Variants in PTPRG observed in about 807,000 individuals in gnomAD.
The protein encoded by PTPRG is receptor-type tyrosine-protein phosphatase gamma.
PTPRG carries 102 observed loss-of-function variants against 165.3 expected under a neutral mutation model. The ratio of observed to expected loss-of-function variants is 0.62; its 90% CI spans 0.53 to 0.73. The LOEUF (loss-of-function observed/expected upper bound fraction) is 0.73. PTPRG is among the 30% of genes least tolerant of loss of function. PTPRG has a pLI of 0.00. For missense variants in PTPRG, 1,866 were observed against 1,861.4 expected, an observed-to-expected ratio of 1.00 and a Z score of -0.05; for synonymous variants, 675 against 669.5, an observed-to-expected ratio of 1.01 and a Z score of -0.13.
chr3:61,590,221 CAA>C (rs11348723), intron 1 of PTPRG, among the ~76,000 whole-genome samples: 153 of 142,494 alleles, frequency 1.1e-3, no homozygotes, highest in African/African-American at 2.6e-3. Flanking sequence ...TTTCTTTAAT[CAA>C]AAAAAAAAAA....
intron 4 of PTPRG, among the ~76,000 whole-genome samples, chr3:62,030,276 C>T (rs1559756208): frequency 6.6e-6 from 1 of 151,920 alleles, no homozygotes; most frequent in Non-Finnish European, 1.5e-5. Context: ...CCCCCTCTCA[C>T]CCAAAGCTTA....
intron 2 of PTPRG, among the ~76,000 whole-genome samples, chr3:61,884,461 A>G (rs2107478860): frequency 6.6e-6 from 1 of 152,368 alleles, no homozygotes; most frequent in South Asian, 2.1e-4. Context: ...GTGTCAAGTC[A>G]TGTGGAGGAA....
intron 5 of PTPRG, among the ~76,000 whole-genome samples, chr3:62,110,121 T>G (rs913025045): frequency 7.3e-6 from 1 of 136,160 alleles, no homozygotes; most frequent in African/African-American, 2.8e-5. Context: ...TTGCAGTAGC[T>G]TTTCCTGTAC....
At chr3:61,808,654 A>T (rs114814506) in intron 2 of PTPRG, among the ~76,000 whole-genome samples, 227 of 152,214 alleles carry the variant, frequency 1.5e-3, no homozygotes, top group African/African-American at 5.2e-3. Context: ...TTAGGCCTAA[A>T]ATCTTTGGCA....
chr3:62,071,560 C>A (rs1384319410), intron 4 of PTPRG, among the ~76,000 whole-genome samples: 2 of 152,158 alleles, frequency 1.3e-5, no homozygotes, highest in Non-Finnish European at 2.9e-5. Flanking sequence ...AGCTTTGGCA[C>A]TCAAAAATAA....
intron 4 of PTPRG, among the ~76,000 whole-genome samples, chr3:62,065,077 T>TA (rs34569566): frequency 0.11 from 17,287 of 151,946 alleles, 1,150 homozygotes; most frequent in African/African-American, 0.19. Context: ...CATCCAATGG[T>TA]AAAAAATAAG....
intron 4 of PTPRG, among the ~76,000 whole-genome samples, chr3:62,048,234 G>A (rs1700359958): frequency 6.6e-6 from 1 of 152,098 alleles, no homozygotes; most frequent in Non-Finnish European, 1.5e-5. Flanking sequence ...CTCTTTCCTA[G>A]AATTAGAGAA....
intron 6 of PTPRG, among the ~76,000 whole-genome samples, chr3:62,141,194 G>A (rs930996290): frequency 2.6e-5 from 4 of 152,122 alleles, no homozygotes; most frequent in African/African-American, 4.8e-5. Context: ...CATGTTGTTG[G>A]TAAGGAGATA....
intron 2 of PTPRG, among the ~76,000 whole-genome samples, chr3:61,881,134 A>G (rs1367481653): frequency 6.6e-6 from 1 of 152,054 alleles, no homozygotes; most frequent in Admixed American, 6.6e-5. Context: ...AACATCATAT[A>G]CAAAGAACAG....
intron 1 of PTPRG, among the ~76,000 whole-genome samples, chr3:61,679,253 G>T (rs1431421080): frequency 6.6e-6 from 1 of 152,188 alleles, no homozygotes; most frequent in Non-Finnish European, 1.5e-5. Flanking sequence ...ATTTGGCAAG[G>T]AGCCCAACTG....
intron 1 of PTPRG, among the ~76,000 whole-genome samples, chr3:61,609,071 T>C (rs779316978): frequency 6.6e-6 from 1 of 152,166 alleles, no homozygotes; most frequent in Admixed American, 6.5e-5. Flanking sequence ...GGGTTAGATA[T>C]AGATTGATAC....
chr3:62,183,410 C>A (rs1379426059), intron 8 of PTPRG, among the ~76,000 whole-genome samples: 1 of 151,824 alleles, frequency 6.6e-6, no homozygotes, highest in African/African-American at 2.4e-5. Flanking sequence ...CTAAAGATAC[C>A]AAAATTGGCC....
chr3:61,976,678 A>C (rs879286794), intron 2 of PTPRG, among the ~76,000 whole-genome samples: 1 of 151,972 alleles, frequency 6.6e-6, no homozygotes, highest in Non-Finnish European at 1.5e-5. Context: ...GGGTCTTTTT[A>C]AAAAATTTTT....
At chr3:62,182,978 G>C (rs934952358) in intron 8 of PTPRG, among the ~76,000 whole-genome samples, 1 of 152,164 alleles carries the variant, frequency 6.6e-6, no homozygotes, top group Non-Finnish European at 1.5e-5. Context: ...TCTAAAGTAC[G>C]TTTGCTATAT....
In PTPRG at chr3:62,207,294, A is replaced by G. The variant is rs192086457; in HGVS notation, c.2155+3344A>G. 3.3e-5 allele frequency among the ~76,000 whole-genome samples: 5 copies of G among 152,366 alleles called. No homozygotes were observed. The East Asian group carries it at 9.7e-4, about 29-fold the overall frequency. ...ACAGGCGATGGGTCTGATATGGTCCACAATCTGTCATTTGCCAACCCCTGG... is the reference window on the plus strand; with the variant it reads ...ACAGGCGATGGGTCTGATATGGTCCGCAATCTGTCATTTGCCAACCCCTGG... On this transcript the variant is annotated intron_variant, in intron 12 of 29. Coordinates refer to ENST00000474889, the MANE Select transcript of PTPRG (RefSeq NM_002841.4).
At chr3:62,149,266 G>A (rs899275615) in intron 6 of PTPRG, among the ~76,000 whole-genome samples, 8 of 129,682 alleles carry the variant, frequency 6.2e-5, no homozygotes, top group Non-Finnish European at 1.3e-4. Context: ...CCCTAGGGAG[G>A]CCTCTTTTTT....
At chr3:62,002,943 TTCCA>T (rs1325051251) in intron 3 of PTPRG, among the ~76,000 whole-genome samples, 7 of 152,206 alleles carry the variant, frequency 4.6e-5, no homozygotes, top group African/African-American at 1.7e-4. Flanking sequence ...TCCTCTCTTG[TTCCA>T]GACCTTGAAT....
intron 2 of PTPRG, among the ~76,000 whole-genome samples, chr3:61,971,898 A>T (rs991914720): frequency 6.6e-6 from 1 of 152,280 alleles, no homozygotes; most frequent in African/African-American, 2.4e-5. Flanking sequence ...AAATAAAGTG[A>T]AACTGCGTTG....
At chr3:62,288,344 G>GA (rs988663421) in intron 28 of PTPRG, among the ~76,000 whole-genome samples, 6 of 151,918 alleles carry the variant, frequency 3.9e-5, no homozygotes, top group Non-Finnish European at 8.8e-5. Flanking sequence ...TATGATGAAG[G>GA]AAAAAACCTA....
Sources: gnomAD v4.1 joint callset for allele counts (sites outside exome capture counted in the v4.1 genomes callset) on GRCh38, gnomAD v4.1.1 for gene constraint, MANE v1.5 for transcripts, NCBI Gene and HGNC (gene_info 2026-07-23, HGNC 2026-07-21) for gene names.